The following PEAK1 variants were observed in gnomAD, a reference collection of about 807,000 sequenced individuals.
The protein encoded by PEAK1 is pseudopodium enriched atypical kinase 1.
In PEAK1, 54 loss-of-function variants were observed where a neutral mutation model predicts 124.7. That is an observed-to-expected ratio of 0.43 (90% CI 0.35 to 0.54). PEAK1 has a LOEUF of 0.54. Ranked by LOEUF, PEAK1 falls within the 20% of genes least tolerant of loss-of-function variation. PEAK1 has a pLI of 0.01. For synonymous variants in PEAK1, 719 were observed against 760.0 expected, an observed-to-expected ratio of 0.95 and a Z score of 0.89; for missense variants, 2,046 against 2,134.5, an observed-to-expected ratio of 0.96 and a Z score of 0.82.
chr15:77,287,420 G>A (rs866615652), intron 2 of PEAK1, among the ~76,000 whole-genome samples: 1 of 152,152 alleles, frequency 6.6e-6, no homozygotes, highest in African/African-American at 2.4e-5. Flanking sequence ...AAACTTAAAC[G>A]TTTATTATCT....
intron 1 of PEAK1, among the ~76,000 whole-genome samples, chr15:77,413,392 C>T (rs994498190): frequency 5.3e-5 from 8 of 152,084 alleles, no homozygotes; most frequent in African/African-American, 1.2e-4. Context: ...CAGAAACCAC[C>T]GTAACAGAGT....
At chr15:77,246,451 G>C (rs1428782279) in intron 6 of PEAK1, among the ~76,000 whole-genome samples, 16 of 152,098 alleles carry the variant, frequency 1.1e-4, no homozygotes. Context: ...TTGAGCCCAG[G>C]AGGTTGAGGC....
chr15:77,155,045 G>C (rs1000139034), intron 8 of PEAK1, among the ~76,000 whole-genome samples: 4 of 152,148 alleles, frequency 2.6e-5, no homozygotes, highest in African/African-American at 9.7e-5. Context: ...TGCTAGATTG[G>C]GGAACTTCTC....
At chr15:77,355,200 G>A (rs1007972186) in intron 2 of PEAK1, among the ~76,000 whole-genome samples, 1 of 152,158 alleles carries the variant, frequency 6.6e-6, no homozygotes, top group African/African-American at 2.4e-5. Context: ...TGGTGTAGTG[G>A]ATTGATTTCT....
intron 9 of PEAK1, among the ~76,000 whole-genome samples, chr15:77,131,318 C>A (rs2052838493): frequency 6.6e-6 from 1 of 152,086 alleles, no homozygotes; most frequent in Admixed American, 6.5e-5. Context: ...CACGGTGAAA[C>A]CCCGTGTCTA....
At chr15:77,420,624 T>TTAAAAA, upstream of PEAK1, 1 of 330,514 alleles carries the variant, frequency 3.0e-6, no homozygotes, top group Non-Finnish European at 5.4e-6. Flanking sequence ...GCCTTCGCAA[T>TTAAAAA]AAAAAAAAAA....
chr15:77,366,355 C>T (rs1449863710), intron 1 of PEAK1, among the ~76,000 whole-genome samples: 2 of 152,146 alleles, frequency 1.3e-5, no homozygotes, highest in Non-Finnish European at 2.9e-5. Context: ...ATGTATTAGA[C>T]ATGTAACATG....
chr15:77,147,701 T>A (rs1373770868), intron 8 of PEAK1, among the ~76,000 whole-genome samples: 2 of 152,190 alleles, frequency 1.3e-5, no homozygotes, highest in African/African-American at 4.8e-5. Flanking sequence ...CATTAAGTGA[T>A]CTTATATGAT....
chr15:77,283,049 G>A (rs1467283006), intron 5 of PEAK1, among the ~76,000 whole-genome samples: 1 of 152,108 alleles, frequency 6.6e-6, no homozygotes, highest in African/African-American at 2.4e-5. Flanking sequence ...CATGAAAATG[G>A]GTACGCAATA....
chr15:77,226,962 C>T (rs1391145164), intron 6 of PEAK1, among the ~76,000 whole-genome samples: 1 of 152,126 alleles, frequency 6.6e-6, no homozygotes, highest in African/African-American at 2.4e-5. Context: ...CTATCTAGCT[C>T]CAGAGTCTAC....
chr15:77,167,172 T>G (rs1330360148), intron 7 of PEAK1, among the ~76,000 whole-genome samples: 6 of 152,194 alleles, frequency 3.9e-5, no homozygotes, highest in Non-Finnish European at 8.8e-5. Context: ...AGAAGTGATA[T>G]AAGCAGGAAA....
chr15:77,332,326 G>A, intron 2 of PEAK1: 1 of 974,884 alleles, frequency 1.0e-6, no homozygotes, highest in Non-Finnish European at 1.2e-6. Flanking sequence ...TTGGCCGGGT[G>A]CGGTGGCTCA....
intron 2 of PEAK1, among the ~76,000 whole-genome samples, chr15:77,345,407 C>T (rs2141377612): frequency 6.6e-6 from 1 of 152,196 alleles, no homozygotes; most frequent in African/African-American, 2.4e-5. Flanking sequence ...ATTTTTGTAA[C>T]AAAACATTTA....
At chr15:77,241,075 C>G (rs892834102) in intron 6 of PEAK1, among the ~76,000 whole-genome samples, 1 of 152,158 alleles carries the variant, frequency 6.6e-6, no homozygotes, top group African/African-American at 2.4e-5. Flanking sequence ...ACCAATATCT[C>G]TCATAAACAC....
chr15:77,296,077 T>C (rs1190847143), intron 2 of PEAK1, among the ~76,000 whole-genome samples: 3 of 152,208 alleles, frequency 2.0e-5, no homozygotes, highest in African/African-American at 7.2e-5. Context: ...TTCACTGCTG[T>C]TTAAAATATT....
intron 2 of PEAK1, chr15:77,350,761 G>T (rs915013718): frequency 6.8e-5 from 67 of 982,572 alleles, no homozygotes; most frequent in Admixed American, 3.1e-4. Flanking sequence ...GATTAATAAA[G>T]ACAGATCAAT....
chr15:77,107,915 T>C (rs2050778661), downstream of PEAK1: 1 of 152,244 alleles, frequency 6.6e-6, no homozygotes, highest in African/African-American at 2.4e-5. Context: ...AAAAGCAGAA[T>C]GCCTTTGCTT....
chr15:77,365,803 C>A (rs2068194137), intron 1 of PEAK1, among the ~76,000 whole-genome samples: 1 of 143,034 alleles, frequency 7.0e-6, no homozygotes, highest in East Asian at 2.1e-4. Flanking sequence ...AGAAAAAAAT[C>A]AATCTCCTTC....
chr15:77,406,651 C>T (rs984145578), intron 1 of PEAK1, among the ~76,000 whole-genome samples: 2 of 152,168 alleles, frequency 1.3e-5, no homozygotes, highest in African/African-American at 4.8e-5. Flanking sequence ...AATGGAAACA[C>T]ATCCCATGCT....
Sources: allele counts gnomAD v4.1 joint callset (sites outside exome capture counted in the v4.1 genomes callset), GRCh38; gene constraint gnomAD v4.1.1; transcripts MANE v1.5; gene names NCBI Gene and HGNC (gene_info 2026-07-23, HGNC 2026-07-21).